Variants in KIF13B observed in about 807,000 individuals in gnomAD.
The protein encoded by KIF13B is kinesin-like protein KIF13B.
KIF13B carries 127 observed loss-of-function variants against 222.0 expected under a neutral mutation model. That is an observed-to-expected ratio of 0.57 (90% CI 0.50 to 0.66). KIF13B has a LOEUF of 0.66. Ranked by LOEUF, KIF13B falls within the 30% of genes least tolerant of loss-of-function variation. The pLI is 0.00. For missense variants in KIF13B, 2,173 were observed against 2,379.0 expected, an observed-to-expected ratio of 0.91 and a Z score of 1.80; for synonymous variants, 976 against 919.0, an observed-to-expected ratio of 1.06 and a Z score of -1.12.
chr8:29,181,410 T>C (rs532458339), intron 7 of KIF13B, among the ~76,000 whole-genome samples: 1 of 152,354 alleles, frequency 6.6e-6, no homozygotes, highest in South Asian at 2.1e-4. Context: ...GAATATATAA[T>C]GGACAAAACA....
At chr8:29,186,684 G>A (rs778556901) in intron 5 of KIF13B, among the ~76,000 whole-genome samples, 19 of 152,162 alleles carry the variant, frequency 1.2e-4, no homozygotes, top group Non-Finnish European at 2.6e-4. Context: ...TAGGCTGGGT[G>A]CGGTGGCTCA....
intron 4 of KIF13B, 61 bp downstream of exon 4, chr8:29,190,935 GA>G: frequency 1.5e-6 from 2 of 1,340,676 alleles, no homozygotes; most frequent in Non-Finnish European, 2.1e-6. Flanking sequence ...TCGTGTAAGG[GA>G]AAAAATACTG....
chr8:29,113,627 T>C (rs1809458329), intron 31 of KIF13B, 72 bp from the exon 32 acceptor site: 1 of 843,596 alleles, frequency 1.2e-6, no homozygotes, highest in Non-Finnish European at 1.9e-6. Context: ...AAAGACAGCA[T>C]GGAAAATACT....
chr8:29,201,785 C>T (rs190986992), intron 2 of KIF13B, among the ~76,000 whole-genome samples: 370 of 152,298 alleles, frequency 2.4e-3, no homozygotes, highest in Non-Finnish European at 4.1e-3. Flanking sequence ...GATATTGTTG[C>T]TTTTTTGAAC....
At chr8:29,117,477 A>G (rs79745756) in intron 30 of KIF13B, among the ~76,000 whole-genome samples, 5,900 of 152,244 alleles carry the variant, frequency 0.039, 138 homozygotes, top group Non-Finnish European at 0.059. Context: ...AAATTTTTCA[A>G]TTTCCCCATC....
chr8:29,216,310 T>C (rs1480678204), intron 2 of KIF13B, among the ~76,000 whole-genome samples: 1 of 152,170 alleles, frequency 6.6e-6, no homozygotes, highest in Non-Finnish European at 1.5e-5. Flanking sequence ...TAAAGCCACG[T>C]ACTAGGCCGG....
chr8:29,208,358 C>T (rs375795294), intron 2 of KIF13B, among the ~76,000 whole-genome samples: 4 of 152,160 alleles, frequency 2.6e-5, no homozygotes, highest in East Asian at 1.9e-4. Flanking sequence ...ATACTCCATA[C>T]GGATTAATGC....
At chr8:29,195,209 C>T (rs555449369) in intron 3 of KIF13B, among the ~76,000 whole-genome samples, 1 of 152,272 alleles carries the variant, frequency 6.6e-6, no homozygotes, top group East Asian at 1.9e-4. Context: ...GATCACGCCA[C>T]CGCACTCCAG....
chr8:29,197,805 T>C (rs766920397), intron 2 of KIF13B, among the ~76,000 whole-genome samples: 2 of 152,240 alleles, frequency 1.3e-5, no homozygotes, highest in Admixed American at 6.5e-5. Context: ...CAAGCTTTTC[T>C]AAACTTCCTA....
At chr8:29,142,384 A>G (rs1032455966) in intron 18 of KIF13B, 81 bp from the exon 19 acceptor site, 3 of 1,227,968 alleles carry the variant, frequency 2.4e-6, no homozygotes, top group Non-Finnish European at 3.4e-6. Context: ...CCCATCAGTC[A>G]AATGTCATTA....
chr8:29,139,022 C>T (rs867558788), intron 21 of KIF13B, among the ~76,000 whole-genome samples: 3 of 151,978 alleles, frequency 2.0e-5, no homozygotes, highest in African/African-American at 4.8e-5. Context: ...GATGCTGGGG[C>T]GTGCCTGGGG....
At position 29,140,056 on chromosome 8, in the gene KIF13B, G is replaced by C. The variant is rs1329015382; in HGVS notation, c.2613+7C>G. 5.7e-6 allele frequency: 9 copies of C among 1,573,550 alleles called. No homozygotes were observed. Among genetic ancestry groups the C allele is most frequent in the Non-Finnish European group, 6.0e-6 (7 of 1,159,982 alleles). ...CAACGTAATACTAGGATGAAGCTGG[G>C]ACTTACCATGCACACCAGTTTGTTC... On this transcript the variant is annotated splice_region_variant and intron_variant, in intron 21 of 39. Transcript: ENST00000524189.
chr8:29,198,368 CT>C (rs1422375604), intron 2 of KIF13B, among the ~76,000 whole-genome samples: 2 of 151,970 alleles, frequency 1.3e-5, no homozygotes, highest in African/African-American at 4.8e-5. Flanking sequence ...GTGGCCCAGG[CT>C]GGAGTACAGT....
intron 2 of KIF13B, among the ~76,000 whole-genome samples, chr8:29,225,110 A>C (rs1395384303): frequency 6.6e-6 from 1 of 152,242 alleles, no homozygotes; most frequent in East Asian, 1.9e-4. Context: ...AAGATATGTC[A>C]CAAGGTCTTT....
At chr8:29,228,274 G>A (rs1046493648) in intron 2 of KIF13B, among the ~76,000 whole-genome samples, 3 of 150,974 alleles carry the variant, frequency 2.0e-5, no homozygotes, top group Non-Finnish European at 4.4e-5. Context: ...GACCATCCTG[G>A]CTAACACGGT....
At chr8:29,143,521 C>T (rs1047156504) in intron 18 of KIF13B, among the ~76,000 whole-genome samples, 4 of 152,178 alleles carry the variant, frequency 2.6e-5, no homozygotes, top group African/African-American at 9.7e-5. Context: ...ACATTATTAC[C>T]GTGCCAAATG....
intron 23 of KIF13B, among the ~76,000 whole-genome samples, chr8:29,131,313 A>G (rs76434943): frequency 0.017 from 2,647 of 151,870 alleles, 53 homozygotes; most frequent in African/African-American, 0.046. Context: ...ATGTACCCCC[A>G]AATCTAAAAT....
chr8:29,202,773 G>A (rs1813753698), intron 2 of KIF13B, among the ~76,000 whole-genome samples: 1 of 152,062 alleles, frequency 6.6e-6, no homozygotes, highest in African/African-American at 2.4e-5. Flanking sequence ...AAGAAAAGGA[G>A]CAGTGAGCCT....
chr8:29,104,962 T>G (rs1346176652), intron 35 of KIF13B, among the ~76,000 whole-genome samples: 14 of 148,308 alleles, frequency 9.4e-5, no homozygotes, highest in African/African-American at 2.8e-4. Context: ...GCCAGGATGG[T>G]TTTTTTTCCT....
Sources: gnomAD v4.1 joint callset for allele counts (sites outside exome capture counted in the v4.1 genomes callset) on GRCh38, gnomAD v4.1.1 for gene constraint, MANE v1.5 for transcripts, NCBI Gene and HGNC (gene_info 2026-07-23, HGNC 2026-07-21) for gene names.